COLEC11: variants seen among roughly 807,000 people sequenced by gnomAD.
COLEC11 encodes the protein collectin subfamily member 11, also known as collectin-11.
COLEC11 carries 20 observed loss-of-function variants against 27.3 expected under a neutral mutation model. The ratio of observed to expected loss-of-function variants is 0.73; its 90% CI spans 0.51 to 1.06. The LOEUF (loss-of-function observed/expected upper bound fraction) is 1.06, where lower values mean the gene tolerates loss of function less well. Among genes scored for constraint, COLEC11 ranks in the 50% least tolerant of loss-of-function variants. The pLI is 0.00. For synonymous variants in COLEC11, 163 were observed against 154.7 expected, an observed-to-expected ratio of 1.05 and a Z score of -0.40; for missense variants, 310 against 383.0, an observed-to-expected ratio of 0.81 and a Z score of 1.59.
intron 3 of COLEC11, among the ~76,000 whole-genome samples, chr2:3,621,430 T>A (rs1016954086): frequency 3.9e-5 from 6 of 152,198 alleles, no homozygotes; most frequent in African/African-American, 1.4e-4. Context: ...AAAGCTGAAG[T>A]GTGTCTTTTG....
chr2:3,599,826 C>T (rs901349136), intron 1 of COLEC11, among the ~76,000 whole-genome samples: 5 of 152,234 alleles, frequency 3.3e-5, no homozygotes, highest in Admixed American at 3.3e-4. Flanking sequence ...TCTCCCAGCA[C>T]CCGTCAGTGG....
At chr2:3,608,082 G>A (rs1403486230) in intron 2 of COLEC11, among the ~76,000 whole-genome samples, 3 of 152,202 alleles carry the variant, frequency 2.0e-5, no homozygotes, top group African/African-American at 4.8e-5. Context: ...TAAATATGTC[G>A]AAGTATCTTA....
At chr2:3,631,750 G>T (rs1366675426) in intron 3 of COLEC11, among the ~76,000 whole-genome samples, 2 of 151,770 alleles carry the variant, frequency 1.3e-5, no homozygotes, top group African/African-American at 4.9e-5. Context: ...CTCGGAGGGG[G>T]CTCTGCTCGG....
In COLEC11 at chr2:3,641,528, G is replaced by A. The variant is rs369401050; in HGVS notation, c.328+1197G>A. 222 of 870,868 alleles carry A rather than the reference G, an allele frequency of 2.5e-4. No individual in the cohort carries two copies. The African/African-American group carries it at 3.7e-3, about 15-fold the overall frequency. 53.9% of individuals were successfully genotyped at this position (870,868 alleles called of 1,614,324 possible). On this transcript the variant is annotated intron_variant, in intron 5 of 6. Coordinates refer to ENST00000349077, the MANE Select transcript of COLEC11 (RefSeq NM_024027.5). Reference sequence around the variant, plus strand: ...TGGTCAGAGTTTGGAGGTTAAATGAGGAAAGGAATCCATCCACTTCCCCTG... The same window carrying A: ...TGGTCAGAGTTTGGAGGTTAAATGAAGAAAGGAATCCATCCACTTCCCCTG...
chr2:3,619,288 C>T (rs549789534), intron 3 of COLEC11, among the ~76,000 whole-genome samples: 15 of 151,710 alleles, frequency 9.9e-5, no homozygotes, highest in African/African-American at 3.6e-4. Flanking sequence ...ATTGTTCTGG[C>T]TAGGACTTCC....
intron 3 of COLEC11, among the ~76,000 whole-genome samples, chr2:3,629,574 G>A (rs1187875129): frequency 1.3e-5 from 2 of 152,222 alleles, no homozygotes; most frequent in Non-Finnish European, 2.9e-5. Context: ...GTGCATGCAT[G>A]TGTGCATATG....
intron 5 of COLEC11, among the ~76,000 whole-genome samples, chr2:3,641,677 C>T (rs1050358967): frequency 6.6e-6 from 1 of 152,136 alleles, no homozygotes; most frequent in Non-Finnish European, 1.5e-5. Context: ...CCAAGGCAAA[C>T]CCCAAGAAAG....
intron 2 of COLEC11, among the ~76,000 whole-genome samples, chr2:3,612,745 C>G (rs1188201049): frequency 1.3e-5 from 2 of 152,110 alleles, no homozygotes; most frequent in East Asian, 3.9e-4. Flanking sequence ...CCCTCTGTCT[C>G]CTGCACCTGC....
rs1446379059 is a variant in COLEC11, at chr2:3,604,486, A to C, written c.130+16A>C. On this transcript the variant is annotated intron_variant, in intron 2 of 6. Coordinates refer to ENST00000349077, the MANE Select transcript of COLEC11 (RefSeq NM_024027.5). ...GGCCTCAAAGGTAACCGCTCCCTGG[A>C]CTCTGGGCTGCTGGGCAGTGGCCTC... is the stretch of plus-strand genomic sequence containing the variant. 2 of 1,613,352 alleles carry C rather than the reference A, an allele frequency of 1.2e-6. No homozygotes were observed. Among genetic ancestry groups the C allele is most frequent in the Middle Eastern group, 1.6e-4 (1 of 6,062 alleles).
intron 3 of COLEC11, among the ~76,000 whole-genome samples, chr2:3,616,047 C>G (rs1436875911): frequency 2.0e-5 from 3 of 147,734 alleles, no homozygotes; most frequent in Non-Finnish European, 3.0e-5. Context: ...TGAGGCGGGG[C>G]GGCCGGGCAG....
chr2:3,599,358 C>T (rs1016839105), intron 1 of COLEC11, among the ~76,000 whole-genome samples: 1 of 152,184 alleles, frequency 6.6e-6, no homozygotes, highest in Non-Finnish European at 1.5e-5. Flanking sequence ...AACGGGTTTC[C>T]CTGTACCCAT....
chr2:3,616,196 C>A (rs1446585814), intron 3 of COLEC11, among the ~76,000 whole-genome samples: 2 of 140,770 alleles, frequency 1.4e-5, no homozygotes, highest in Admixed American at 1.4e-4. Context: ...ACATCTCAGA[C>A]GATGGGCGGC....
chr2:3,596,490 T>C (rs1256656015), intron 1 of COLEC11, among the ~76,000 whole-genome samples: 3 of 152,010 alleles, frequency 2.0e-5, no homozygotes, highest in African/African-American at 4.8e-5. Flanking sequence ...GTGTGCATCA[T>C]GGCACCTGGC....
intron 3 of COLEC11, among the ~76,000 whole-genome samples, chr2:3,618,518 A>G (rs548693701): frequency 6.6e-6 from 1 of 152,146 alleles, no homozygotes; most frequent in East Asian, 1.9e-4. Flanking sequence ...TCTCTGCTCT[A>G]TTGTCTATGT....
At chr2:3,637,478 G>A (rs1665510435) in intron 3 of COLEC11, 55 bp from the exon 4 acceptor site, 12 of 1,384,006 alleles carry the variant, frequency 8.7e-6, no homozygotes, top group Non-Finnish European at 1.1e-5. Context: ...TGTGATGGAG[G>A]AGGCCACGGT....
chr2:3,635,016 C>G (rs781113517), intron 3 of COLEC11, among the ~76,000 whole-genome samples: 38 of 150,706 alleles, frequency 2.5e-4, no homozygotes, highest in Non-Finnish European at 4.6e-4. Flanking sequence ...GCCCCTGCCT[C>G]CCACTGGACA....
chr2:3,603,330 T>G lies in COLEC11; in HGVS notation c.-26-985T>G, dbSNP rs1025291413. The G allele has an allele frequency of 7.0e-5, 14 of 201,278 alleles. No individual in the cohort carries two copies. In the East Asian group the frequency reaches 1.6e-3, roughly 23 times the overall value. 12.5% of individuals were successfully genotyped at this position (201,278 alleles called of 1,614,324 possible). A position where few individuals can be genotyped will look rare whatever the true frequency, so the allele number is the denominator to read the frequency against. ...TTTTATTTATTTATTATATTTTATT[T>G]TTTTTTGGGACGGAGTCTCGCTGTC... On this transcript the variant is annotated intron_variant, in intron 1 of 6. Coordinates refer to ENST00000349077, the MANE Select transcript of COLEC11 (RefSeq NM_024027.5).
intron 1 of COLEC11, among the ~76,000 whole-genome samples, chr2:3,598,944 CTTG>C (rs1662042373): frequency 6.6e-6 from 1 of 152,164 alleles, no homozygotes; most frequent in African/African-American, 2.4e-5. Flanking sequence ...ATATTGGCTC[CTTG>C]TTCTCTCCAT....
At chr2:3,626,921 C>T (rs552975132) in intron 3 of COLEC11, among the ~76,000 whole-genome samples, 2 of 152,226 alleles carry the variant, frequency 1.3e-5, no homozygotes, top group South Asian at 2.1e-4. Flanking sequence ...GGACCTCAGC[C>T]GCCACCACCC....
Sources: allele counts gnomAD v4.1 joint callset (sites outside exome capture counted in the v4.1 genomes callset), GRCh38; gene constraint gnomAD v4.1.1; transcripts MANE v1.5; gene names NCBI Gene and HGNC (gene_info 2026-07-23, HGNC 2026-07-21).